FAM90A1: variants seen among roughly 807,000 people sequenced by gnomAD.
FAM90A1 encodes protein FAM90A1.
In FAM90A1, 10 loss-of-function variants were observed where a neutral mutation model predicts 14.8. The observed-to-expected ratio is 0.67, with a 90% confidence interval of 0.42 to 1.14. The LOEUF is 1.14. FAM90A1 is among the 50% of genes most tolerant of loss of function. The pLI is 0.00. For synonymous variants in FAM90A1, 236 were observed against 248.4 expected (o/e 0.95, Z 0.47); for missense variants, 567 against 602.8 (o/e 0.94, Z 0.62).
chr12:8,225,004 C>T (rs1948914784), intron 3 of FAM90A1, 116 bp from the exon 4 acceptor site: 1 of 715,532 alleles, frequency 1.4e-6, no homozygotes, highest in African/African-American at 1.8e-5. Context: ...ACCTCACCAC[C>T]AGTCGGTCAA....
At chr12:8,226,920 C>T (rs1178711669) in intron 1 of FAM90A1, among the ~76,000 whole-genome samples, 1 of 150,728 alleles carries the variant, frequency 6.6e-6, no homozygotes, top group Non-Finnish European at 1.5e-5. Flanking sequence ...ATTCTCATGC[C>T]TCAGCCTCCC....
At chr12:8,224,339 A>T (rs902062446) in intron 4 of FAM90A1, 124 bp from the exon 5 acceptor site, 2 of 871,572 alleles carry the variant, frequency 2.3e-6, no homozygotes, top group African/African-American at 3.4e-5. Context: ...GGACACCGGC[A>T]TGGGGGCCGT....
intron 4 of FAM90A1, 93 bp from the exon 5 acceptor site, chr12:8,224,308 T>G (rs1180474959): frequency 6.2e-6 from 7 of 1,127,622 alleles, no homozygotes; most frequent in Non-Finnish European, 9.2e-6. Flanking sequence ...AATTCAGAGC[T>G]GAATAAGGAT....
At chr12:8,222,872 G>A (rs1200540768) in intron 6 of FAM90A1, 88 bp from the exon 7 acceptor site, 14 of 1,427,164 alleles carry the variant, frequency 9.8e-6, no homozygotes, top group African/African-American at 2.8e-5. Context: ...AGGTGCACAC[G>A]CCATGAAATT....
rs1179901098 is a variant in FAM90A1 at position 8,227,583 on chromosome 12, C to T, written c.-524G>A. On this transcript the variant is annotated 5_prime_UTR_variant, in exon 1 of 7. Transcript: ENST00000538603. ...TGCAGGTCTCGGGGCTCCTGGGTTGCTTCTGGAAGGGCCCGGATGGGGCCT... is the reference window on the plus strand; with the variant it reads ...TGCAGGTCTCGGGGCTCCTGGGTTGTTTCTGGAAGGGCCCGGATGGGGCCT... 77 of 1,474,538 alleles carry T rather than the reference C, an allele frequency of 5.2e-5. No homozygotes were observed. Among genetic ancestry groups the T allele is most frequent in the Non-Finnish European group, 6.7e-5 (74 of 1,097,984 alleles). The allele number at this position is 1,474,538 out of a possible 1,614,324, so 91.3% of individuals were successfully genotyped here.
chr12:8,225,251 C>G (rs112490253), intron 3 of FAM90A1, among the ~76,000 whole-genome samples: 1 of 151,908 alleles, frequency 6.6e-6, no homozygotes, highest in African/African-American at 2.4e-5. Flanking sequence ...ATGATCGAAG[C>G]CACAGGGCAT....
chr12:8,221,586 C>T lies in FAM90A1; in HGVS notation c.*236G>A. On this transcript the variant is annotated 3_prime_UTR_variant, in exon 7 of 7. Coordinates refer to ENST00000538603, the MANE Select transcript of FAM90A1 (RefSeq NM_018088.3). The stretch of plus-strand genomic sequence containing the variant: ...CGAATCACTGGCACGGAAGCTTTTC[C>T]TGGCGCGTTTCCAGAGAACCATGCG... The T allele has an allele frequency of 1.7e-6, 1 of 589,540 alleles. No homozygotes were observed. The highest frequency in any genetic ancestry group is 3.0e-6 in the Non-Finnish European group (1 of 335,722). 36.5% of individuals were successfully genotyped at this position (589,540 alleles called of 1,614,324 possible). A position where few individuals can be genotyped will look rare whatever the true frequency, so the allele number is the denominator to read the frequency against.
chr12:8,226,479 C>T lies in FAM90A1; in HGVS notation c.-420-1G>A, dbSNP rs547711301. Reference sequence around the variant, plus strand: ...GGAAACCACCGTGAATTGGAGCGCACTGGGAAACACAGATGAAGAAAGTCA... The same window carrying T: ...GGAAACCACCGTGAATTGGAGCGCATTGGGAAACACAGATGAAGAAAGTCA... On this transcript the variant is annotated splice_acceptor_variant, in intron 1 of 6. Coordinates refer to ENST00000538603, the MANE Select transcript of FAM90A1 (RefSeq NM_018088.3). LOFTEE classifies it low-confidence loss of function (5UTR_SPLICE). 31 of 154,474 alleles carry T rather than the reference C, an allele frequency of 2.0e-4. No individual in the cohort carries two copies. The highest frequency in any genetic ancestry group is 2.9e-4 in the Non-Finnish European group (20 of 68,076). The allele number at this position is 154,474 out of a possible 1,614,324, so 9.6% of individuals were successfully genotyped here.
At position 8,224,181 on chromosome 12, in the gene FAM90A1, G is replaced by C. The variant is rs76591721; in HGVS notation, c.158C>G (p.Thr53Arg). 6.8e-6 allele frequency: 11 copies of C among 1,612,016 alleles called. No individual in the cohort carries two copies. The highest frequency in any genetic ancestry group is 9.3e-6 in the Non-Finnish European group (11 of 1,179,850). Residue 53 changes from threonine to arginine, a missense_variant, in exon 5 of 7, where the codon ACG (threonine) becomes AGG (arginine). Coordinates refer to ENST00000538603, the MANE Select transcript of FAM90A1 (RefSeq NM_018088.3). Reference protein sequence around the residue: ...KCKNCEAFGHTARSTRCPMKC... With the variant: ...KCKNCEAFGHRARSTRCPMKC... ...CATGGGGCACCTGGTACTTCTGGCC[G>C]TGTGGCCAAAGGCCTCACAGTTTTT...
intron 3 of FAM90A1, among the ~76,000 whole-genome samples, 158 bp downstream of exon 3, chr12:8,225,678 C>T (rs746224037): frequency 1.5e-4 from 23 of 152,246 alleles, no homozygotes; most frequent in Admixed American, 4.6e-4. Context: ...GACGGAAATG[C>T]TTTCTCGTTT....
chr12:8,226,104 T>G (rs1948936998), intron 2 of FAM90A1, 112 bp from the exon 3 acceptor site: 1 of 152,166 alleles, frequency 6.6e-6, no homozygotes, highest in African/African-American at 2.4e-5. Flanking sequence ...TCTAAGATCA[T>G]GTCCACTGCT....
intron 1 of FAM90A1, among the ~76,000 whole-genome samples, chr12:8,226,853 T>C (rs1182027541): frequency 7.5e-6 from 1 of 133,712 alleles, no homozygotes; most frequent in Non-Finnish European, 1.5e-5. Context: ...TCGCCCAGGC[T>C]GGGGTGCAGT....
At chr12:8,224,546 G>A (rs758713645) in intron 4 of FAM90A1, among the ~76,000 whole-genome samples, 164 bp downstream of exon 4, 27 of 152,340 alleles carry the variant, frequency 1.8e-4, no homozygotes, top group African/African-American at 6.0e-4. Flanking sequence ...CTATCGGGCC[G>A]GGGAGGAGGT....
chr12:8,222,930 C>T (rs1717878134), intron 6 of FAM90A1, 146 bp from the exon 7 acceptor site: 1 of 808,492 alleles, frequency 1.2e-6, no homozygotes, highest in Non-Finnish European at 2.0e-6. Context: ...GACAGACCCT[C>T]CACCTGAGTG....
intron 3 of FAM90A1, among the ~76,000 whole-genome samples, 156 bp downstream of exon 3, chr12:8,225,680 T>G (rs1329523386): frequency 6.6e-6 from 1 of 152,102 alleles, no homozygotes; most frequent in Non-Finnish European, 1.5e-5. Context: ...CGGAAATGCT[T>G]TCTCGTTTTC....
chr12:8,226,835 A>C (rs1948955606), intron 1 of FAM90A1, among the ~76,000 whole-genome samples: 1 of 109,866 alleles, frequency 9.1e-6, no homozygotes, highest in Non-Finnish European at 1.6e-5. Flanking sequence ...TTTGAGACAC[A>C]GTCTCTGTCG....
At chr12:8,223,403 G>A in intron 6 of FAM90A1, 46 bp downstream of exon 6, 1 of 1,201,120 alleles carries the variant, frequency 8.3e-7, no homozygotes, top group African/African-American at 1.5e-5. Flanking sequence ...AATCAACCAG[G>A]GTGACCTAGA....
intron 6 of FAM90A1, among the ~76,000 whole-genome samples, chr12:8,223,116 G>A (rs150544939): frequency 6.6e-6 from 1 of 152,226 alleles, no homozygotes; most frequent in East Asian, 1.9e-4. Flanking sequence ...GTGGCTCAAG[G>A]GTACTCAGGA....
chr12:8,226,800 G>GTTTTTTTTTTTTTTTTTTTTT, intron 1 of FAM90A1, among the ~76,000 whole-genome samples: 1 of 113,664 alleles, frequency 8.8e-6, no homozygotes, highest in Middle Eastern at 4.4e-3. Context: ...CTTCATTGAT[G>GTTTTTTTTTTTTTTTTTTTTT]TCTTTTTTTT....
Sources: allele counts gnomAD v4.1 joint callset (sites outside exome capture counted in the v4.1 genomes callset), GRCh38; gene constraint gnomAD v4.1.1; transcripts MANE v1.5; gene names NCBI Gene and HGNC (gene_info 2026-07-23, HGNC 2026-07-21).